CSMD1: variants seen among roughly 807,000 people sequenced by gnomAD.
CSMD1 encodes CUB and Sushi multiple domains 1, also known as CUB and sushi domain-containing protein 1.
Under a neutral mutation model 417.5 loss-of-function variants are expected in CSMD1, and 213 were observed. The ratio of observed to expected loss-of-function variants is 0.51; its 90% CI spans 0.46 to 0.57. CSMD1 has a LOEUF of 0.57. Among genes scored for constraint, CSMD1 ranks in the 20% least tolerant of loss-of-function variants. The pLI, the probability that CSMD1 is intolerant of heterozygous loss-of-function variation, is 0.00. For missense variants in CSMD1, 6,923 were observed against 4,529.7 expected (o/e 1.53, Z -15.17); for synonymous variants, 2,862 against 1,736.8 (o/e 1.65, Z -16.11).
At chr8:3,307,397 CAACCCACG>C (rs765197718) in intron 25 of CSMD1, among the ~76,000 whole-genome samples, 1 of 126,290 alleles carries the variant, frequency 7.9e-6, no homozygotes, top group Non-Finnish European at 1.7e-5. Context: ...ACAGCCCAGG[CAACCCACG>C]AAGTCATGAT....
At chr8:4,380,007 G>C (rs531300979) in intron 3 of CSMD1, among the ~76,000 whole-genome samples, 1 of 152,336 alleles carries the variant, frequency 6.6e-6, no homozygotes, top group Admixed American at 6.5e-5. Flanking sequence ...AGAGAGGACT[G>C]CTGAAACTCA....
At chr8:3,460,443 T>C (rs919477945) in intron 12 of CSMD1, among the ~76,000 whole-genome samples, 1 of 152,070 alleles carries the variant, frequency 6.6e-6, no homozygotes, top group Non-Finnish European at 1.5e-5. Flanking sequence ...TTTGAAACAG[T>C]GTAGGAACAC....
intron 49 of CSMD1, among the ~76,000 whole-genome samples, chr8:3,078,111 T>C (rs1335653012): frequency 6.6e-6 from 1 of 152,222 alleles, no homozygotes; most frequent in African/African-American, 2.4e-5. Flanking sequence ...GTGTGAGATA[T>C]ATAGTTGATC....
intron 1 of CSMD1, among the ~76,000 whole-genome samples, chr8:4,913,954 T>C (rs989035927): frequency 5.3e-5 from 8 of 152,218 alleles, no homozygotes; most frequent in African/African-American, 9.6e-5. Flanking sequence ...CTCTAATTAA[T>C]TGTAGCCAAT....
rs1389038903 is a variant in CSMD1 at position 3,166,274 on chromosome 8, T to C, written c.5726-3997A>G. Among the ~76,000 whole-genome samples, 4 of 152,210 alleles carry C rather than the reference T, an allele frequency of 2.6e-5. No homozygotes were observed. The South Asian group carries it at 6.2e-4, about 24-fold the overall frequency. ...GGCTGGGCATGGTGACTCATGCCTG[T>C]AATCCAGGCACTTTGGGAGGCCGAG... On this transcript the variant is annotated intron_variant, in intron 37 of 69. Transcript: ENST00000635120.
At chr8:3,206,568 T>C (rs1421302448) in intron 30 of CSMD1, among the ~76,000 whole-genome samples, 2 of 12,264 alleles carry the variant, frequency 1.6e-4, no homozygotes, top group African/African-American at 4.8e-4. Context: ...TGTGTGTATG[T>C]GTGTGTGTGT....
At chr8:3,357,922 GTTTA>G (rs575787897) in intron 21 of CSMD1, among the ~76,000 whole-genome samples, 58 of 152,236 alleles carry the variant, frequency 3.8e-4, no homozygotes, top group East Asian at 3.5e-3. Context: ...TTTGATTCAT[GTTTA>G]TTTGTTTAAT....
At chr8:4,411,367 A>C (rs757291831) in intron 3 of CSMD1, among the ~76,000 whole-genome samples, 3 of 151,864 alleles carry the variant, frequency 2.0e-5, no homozygotes, top group Non-Finnish European at 4.4e-5. Flanking sequence ...TCTTACATTA[A>C]AAAAAAATCA....
At chr8:3,300,767 G>A (rs1379980611) in intron 25 of CSMD1, among the ~76,000 whole-genome samples, 2 of 151,680 alleles carry the variant, frequency 1.3e-5, no homozygotes, top group Non-Finnish European at 2.9e-5. Flanking sequence ...GACTAGCCTG[G>A]CAACAGGGCG....
intron 3 of CSMD1, among the ~76,000 whole-genome samples, chr8:4,273,769 C>G (rs931951292): frequency 3.9e-5 from 6 of 152,116 alleles, no homozygotes; most frequent in African/African-American, 1.4e-4. Context: ...GATGATTTAG[C>G]CTCTGTAAGC....
At chr8:3,326,869 A>T (rs1340891215) in intron 23 of CSMD1, among the ~76,000 whole-genome samples, 1 of 152,172 alleles carries the variant, frequency 6.6e-6, no homozygotes, top group Non-Finnish European at 1.5e-5. Context: ...AGTTTATAAA[A>T]ATGTATGGCT....
intron 10 of CSMD1, among the ~76,000 whole-genome samples, chr8:3,494,490 G>A (rs900270247): frequency 6.6e-6 from 1 of 151,964 alleles, no homozygotes; most frequent in Admixed American, 6.6e-5. Context: ...GATAATTAGA[G>A]GAATGATAGA....
At chr8:3,457,407 G>T (rs1816222027) in intron 12 of CSMD1, among the ~76,000 whole-genome samples, 2 of 152,118 alleles carry the variant, frequency 1.3e-5, no homozygotes, top group South Asian at 2.1e-4. Flanking sequence ...CTTTCTTTCT[G>T]CTCACTCCCT....
chr8:4,967,887 C>T (rs1464298050), intron 1 of CSMD1, among the ~76,000 whole-genome samples: 1 of 152,210 alleles, frequency 6.6e-6, no homozygotes, highest in East Asian at 1.9e-4. Context: ...TCCTGCAGTA[C>T]CATACCGTGT....
chr8:4,270,508 G>C (rs528378217), intron 3 of CSMD1, among the ~76,000 whole-genome samples: 11 of 152,158 alleles, frequency 7.2e-5, no homozygotes, highest in African/African-American at 2.2e-4. Flanking sequence ...AGGCTTTTCT[G>C]AGTCTCCTCT....
chr8:3,409,137 G>A (rs1366100435), intron 13 of CSMD1, among the ~76,000 whole-genome samples: 2 of 152,174 alleles, frequency 1.3e-5, no homozygotes, highest in South Asian at 4.1e-4. Flanking sequence ...ATCATCACTG[G>A]CTTTTGATGG....
At chr8:3,833,839 G>A (rs1017409796) in intron 5 of CSMD1, among the ~76,000 whole-genome samples, 4 of 152,008 alleles carry the variant, frequency 2.6e-5, no homozygotes, top group Non-Finnish European at 4.4e-5. Flanking sequence ...AATATAAGAC[G>A]TTTTTCTTTA....
intron 3 of CSMD1, among the ~76,000 whole-genome samples, chr8:4,190,541 A>AG (rs1798962535): frequency 1.3e-5 from 1 of 74,748 alleles, no homozygotes; most frequent in Admixed American, 1.9e-4. Flanking sequence ...TACACATATA[A>AG]GCTTTTTTTT....
intron 32 of CSMD1, 57 bp from the exon 33 acceptor site, chr8:3,199,866 G>T: frequency 9.6e-7 from 1 of 1,038,022 alleles, no homozygotes; most frequent in Non-Finnish European, 1.4e-6. Context: ...GGGGACGGTA[G>T]TATTTTGGAA....
Sources: allele counts gnomAD v4.1 joint callset (sites outside exome capture counted in the v4.1 genomes callset), GRCh38; gene constraint gnomAD v4.1.1; transcripts MANE v1.5; gene names NCBI Gene and HGNC (gene_info 2026-07-23, HGNC 2026-07-21).